The following KIAA0586 variants were observed in gnomAD, a reference collection of about 807,000 sequenced individuals.
KIAA0586 encodes the protein protein TALPID3.
Under a neutral mutation model 169.8 loss-of-function variants are expected in KIAA0586, and 144 were observed. The observed-to-expected ratio is 0.85, with a 90% CI of 0.74 to 0.97. The LOEUF (loss-of-function observed/expected upper bound fraction) is 0.97. Ranked by LOEUF, KIAA0586 falls within the 50% of genes least tolerant of loss-of-function variation. KIAA0586 has a pLI of 0.00. For synonymous variants in KIAA0586, 625 were observed against 612.4 expected, an observed-to-expected ratio of 1.02 and a Z score of -0.30; for missense variants, 1,854 against 1,823.0, an observed-to-expected ratio of 1.02 and a Z score of -0.31.
rs757837206 is a variant in KIAA0586 at position 58,487,107 on chromosome 14, C to T, written c.3245C>T (p.Ser1082Phe). The T allele has an allele frequency of 4.3e-6, 7 of 1,613,570 alleles. No homozygotes were observed. The highest frequency in any genetic ancestry group is 1.3e-5 in the African/African-American group (1 of 74,924). The part of the protein sequence containing the change: ...ECVLVKTPDS[S>F]PCDSDHDMAF... ...GTTTTGGTAAAGACTCCAGATTCTT[C>T]TCCCTGTGATTCGGATCATGATATG... Residue 1082 changes from serine to phenylalanine, a missense_variant, in exon 22 of 31, where the codon TCT (serine) becomes TTT (phenylalanine). Ser to Phe is a radical substitution (Grantham distance 155). Coordinates refer to ENST00000652326, the MANE Select transcript of KIAA0586 (RefSeq NM_001329943.3).
chr14:58,450,860 C>T (rs2039311685), intron 8 of KIAA0586, 114 bp downstream of exon 8: 1 of 611,528 alleles, frequency 1.6e-6, no homozygotes, highest in Non-Finnish European at 2.8e-6. Flanking sequence ...TTTAAATGAC[C>T]CTTGCTGGGA....
intron 9 of KIAA0586, among the ~76,000 whole-genome samples, chr14:58,453,955 A>G (rs1743724): frequency 0.98 from 148,796 of 152,236 alleles, 72,801 homozygotes; most frequent in Non-Finnish European, 1. Flanking sequence ...ACATCTTAAA[A>G]ACTACAGTAA....
intron 29 of KIAA0586, among the ~76,000 whole-genome samples, chr14:58,536,630 A>G (rs1388676699): frequency 6.6e-6 from 1 of 152,166 alleles, no homozygotes; most frequent in Non-Finnish European, 1.5e-5. Context: ...TAAAATATTG[A>G]AATAAGGGGG....
chr14:58,553,731 G>GT (rs1310859017), downstream of KIAA0586, among the ~76,000 whole-genome samples: 1 of 152,130 alleles, frequency 6.6e-6, no homozygotes, highest in Non-Finnish European at 1.5e-5. Flanking sequence ...TATGACACAT[G>GT]TAACTGTGGG....
chr14:58,475,305 G>A (rs1016204664), intron 19 of KIAA0586, among the ~76,000 whole-genome samples: 2 of 152,120 alleles, frequency 1.3e-5, no homozygotes, highest in Non-Finnish European at 2.9e-5. Flanking sequence ...GAGGGATCTA[G>A]GTTGCACGCT....
chr14:58,487,960 G>A lies in KIAA0586; in HGVS notation c.3378G>A (p.Ala1126=), dbSNP rs1189429204. The part of the protein sequence containing the change: ...VTPTTTPPPA[A]AVFTPTLSDI... The stretch of plus-strand genomic sequence containing the variant: ...CTACTACTACACCTCCTCCAGCGGC[G>A]GCAGTTTTTACCCCAACTTTGTCAG... The change falls in exon 23 of 31, where the codon GCG becomes GCA. Residue 1126 remains alanine, a synonymous_variant. Coordinates refer to ENST00000652326, the MANE Select transcript of KIAA0586 (RefSeq NM_001329943.3). The A allele has an allele frequency of 9.9e-6, 16 of 1,613,430 alleles. No homozygotes were observed. The highest frequency in any genetic ancestry group is 2.7e-5 in the African/African-American group (2 of 74,836).
Position 58,490,203 on chromosome 14 carries a change from A to G in KIAA0586, c.3821A>G (p.Asp1274Gly), listed in dbSNP as rs2042745725. ...GGACTGTACCTGACAAACCTTAATG[A>G]TAGCTTATCCAGCACTCTGCATGAT... ...DIGLYLTNLN[D>G]SLSSTLHDAV... Residue 1274 changes from aspartate (D) to glycine (G), a missense_variant, in exon 25 of 31, where the codon GAT becomes GGT. By Grantham distance (94) the Asp-to-Gly change is moderately conservative. Coordinates refer to ENST00000652326, the MANE Select transcript of KIAA0586 (RefSeq NM_001329943.3). 18 of 1,545,152 alleles carry G rather than the reference A, an allele frequency of 1.2e-5. No homozygotes were observed. Among genetic ancestry groups the G allele is most frequent in the East Asian group, 2.4e-5 (1 of 42,016 alleles).
chr14:58,507,352 A>G (rs998067784), intron 27 of KIAA0586, among the ~76,000 whole-genome samples: 2 of 140,788 alleles, frequency 1.4e-5, no homozygotes, highest in African/African-American at 5.6e-5. Context: ...ATAATATCAT[A>G]TATAATATAT....
Position 58,488,711 on chromosome 14 carries a change from TC to T in KIAA0586, c.3620del (p.Pro1207LeufsTer24). 6.2e-7 allele frequency: 1 copy of T among 1,613,936 alleles called. No homozygotes were observed. The highest frequency in any genetic ancestry group is 8.5e-7 in the Non-Finnish European group (1 of 1,179,850). On this transcript the variant is annotated frameshift_variant, in exon 24 of 31. Transcript: ENST00000652326. LOFTEE classifies it high-confidence loss of function. ...PPEPVPFMPF[P>X]AGTKAPSPSQ... ...CAGAGCCAGTTCCCTTTATGCCATT[TC>T]CTGCCGGCACCAAGGCCCCTTCCCC... is the stretch of plus-strand genomic sequence containing the variant.
chr14:58,495,154 C>G (rs933876038), intron 26 of KIAA0586, among the ~76,000 whole-genome samples: 13 of 152,168 alleles, frequency 8.5e-5, no homozygotes, highest in Non-Finnish European at 4.4e-5. Flanking sequence ...GCCTTTGTTA[C>G]TGTGCTGTCC....
At chr14:58,481,179 T>C (rs562116912) in intron 20 of KIAA0586, among the ~76,000 whole-genome samples, 1 of 152,240 alleles carries the variant, frequency 6.6e-6, no homozygotes, top group African/African-American at 2.4e-5. Flanking sequence ...GTCTACCCAC[T>C]TTTTAGGGAA....
chr14:58,554,862 G>A (rs960612618), downstream of KIAA0586, among the ~76,000 whole-genome samples: 4 of 152,110 alleles, frequency 2.6e-5, no homozygotes, highest in Middle Eastern at 3.2e-3. Flanking sequence ...GCTGTAGTGT[G>A]CCAGCCCCTG....
intron 29 of KIAA0586, among the ~76,000 whole-genome samples, chr14:58,532,034 G>A (rs994134386): frequency 6.6e-6 from 1 of 151,996 alleles, no homozygotes; most frequent in Non-Finnish European, 1.5e-5. Flanking sequence ...GGGGCCTGTC[G>A]GGGGGTGGGG....
chr14:58,509,671 A>G (rs552763008), intron 28 of KIAA0586, among the ~76,000 whole-genome samples: 24 of 152,318 alleles, frequency 1.6e-4, no homozygotes, highest in African/African-American at 4.6e-4. Flanking sequence ...GGGGTTCAGT[A>G]TTACCAATCT....
chr14:58,495,326 CAG>C (rs985929285), intron 26 of KIAA0586, among the ~76,000 whole-genome samples: 1 of 151,582 alleles, frequency 6.6e-6, no homozygotes, highest in Non-Finnish European at 1.5e-5. Context: ...CTTTTTGAGA[CAG>C]AGTTTCAGTC....
intron 27 of KIAA0586, among the ~76,000 whole-genome samples, chr14:58,500,183 A>T (rs577824957): frequency 1.3e-5 from 2 of 152,228 alleles, no homozygotes; most frequent in African/African-American, 4.8e-5. Flanking sequence ...GAAATACAGG[A>T]TTAGGTTTCT....
At chr14:58,482,824 C>T (rs1188237247) in intron 21 of KIAA0586, 112 bp downstream of exon 21, 1 of 783,170 alleles carries the variant, frequency 1.3e-6, no homozygotes, top group African/African-American at 1.8e-5. Context: ...TTTTTAGAGA[C>T]ATGGTCTTTA....
Position 58,488,229 on chromosome 14 carries a change from TGAAA to T in KIAA0586, c.3527+128_3527+131del, listed in dbSNP as rs1869878171. On this transcript the variant is annotated intron_variant, in intron 23 of 30. Coordinates refer to ENST00000652326, the MANE Select transcript of KIAA0586 (RefSeq NM_001329943.3). ...ATAAACCACAGACTACCTTATACTTTGAAAGAAAGAACTTTCATAAGTGTTGAGT... is the reference window on the plus strand; with the variant it reads ...ATAAACCACAGACTACCTTATACTTTGAAAGAACTTTCATAAGTGTTGAGT... The T allele has an allele frequency of 1.0e-5, 8 of 794,210 alleles. No homozygotes were observed. In the South Asian group the frequency reaches 1.1e-4, roughly 11 times the overall value. 49.2% of individuals were successfully genotyped at this position (794,210 alleles called of 1,614,324 possible).
chr14:58,542,476 CA>C lies in KIAA0586; in HGVS notation c.4495+2354del, dbSNP rs112176592. 5.0e-3 allele frequency among the ~76,000 whole-genome samples: 653 copies of C among 129,794 alleles called. 3 individuals carry two copies. The highest frequency in any genetic ancestry group is 0.01 in the African/African-American group (355 of 35,214). The allele number at this position is 129,794 out of a possible 152,430, so 85.1% of individuals were successfully genotyped here. A position where few individuals can be genotyped will look rare whatever the true frequency, so the allele number is the denominator to read the frequency against. On this transcript the variant is annotated intron_variant, in intron 30 of 30. Coordinates refer to ENST00000652326, the MANE Select transcript of KIAA0586 (RefSeq NM_001329943.3). ...TGGGTGACAGAGCGATACTCCGTCT[CA>C]AAAAAAAAAAAAATTCCCAAAATAT...
Sources: gnomAD v4.1 joint callset for allele counts (sites outside exome capture counted in the v4.1 genomes callset) on GRCh38, gnomAD v4.1.1 for gene constraint, MANE v1.5 for transcripts, NCBI Gene and HGNC (gene_info 2026-07-23, HGNC 2026-07-21) for gene names.